ITPR1: variants seen among roughly 807,000 people sequenced by gnomAD.
ITPR1 encodes inositol 1,4,5-trisphosphate-gated calcium channel ITPR1.
Under a neutral mutation model 318.4 loss-of-function variants are expected in ITPR1, and 96 were observed. That is an observed-to-expected ratio of 0.30 (90% CI 0.26 to 0.36). The LOEUF (loss-of-function observed/expected upper bound fraction) is 0.36, where lower values mean the gene tolerates loss of function less well. ITPR1 is among the 10% of genes least tolerant of loss of function. The pLI is 1.00. For missense variants in ITPR1, 2,440 were observed against 3,460.2 expected, an observed-to-expected ratio of 0.71 and a Z score of 7.40; for synonymous variants, 1,312 against 1,289.9, an observed-to-expected ratio of 1.02 and a Z score of -0.37.
At chr3:4,617,819 A>G (rs1456893079) in intron 4 of ITPR1, among the ~76,000 whole-genome samples, 1 of 129,016 alleles carries the variant, frequency 7.8e-6, no homozygotes, top group African/African-American at 3.1e-5. Flanking sequence ...CCTTATTTCT[A>G]TTAAAAAATG....
chr3:4,831,060 C>T (rs1457235803), intron 60 of ITPR1: 3 of 455,954 alleles, frequency 6.6e-6, no homozygotes, highest in African/African-American at 6.0e-5. Context: ...GAATGATTCG[C>T]ATTTGCATCA....
chr3:4,627,976 A>G (rs541174693), intron 5 of ITPR1, 98 bp downstream of exon 5: 2 of 683,924 alleles, frequency 2.9e-6, no homozygotes, highest in East Asian at 2.7e-5. Flanking sequence ...CAACCCTCCA[A>G]TTCTAGCAGC....
chr3:4,757,033 C>A (rs897227515), intron 44 of ITPR1, among the ~76,000 whole-genome samples: 16 of 152,228 alleles, frequency 1.1e-4, no homozygotes, highest in African/African-American at 4.8e-5. Flanking sequence ...GTAAGACCCT[C>A]ATTTTTTAGC....
intron 4 of ITPR1, among the ~76,000 whole-genome samples, chr3:4,605,844 C>G (rs1376331441): frequency 6.6e-6 from 1 of 152,132 alleles, no homozygotes; most frequent in Non-Finnish European, 1.5e-5. Context: ...TCTGGTTGTT[C>G]TCCTCTCTCC....
At chr3:4,627,996 A>C in intron 5 of ITPR1, 118 bp downstream of exon 5, 2 of 632,194 alleles carry the variant, frequency 3.2e-6, no homozygotes, top group African/African-American at 1.8e-5. Context: ...CCAGCTTTCT[A>C]CTTTTTTTTT....
chr3:4,660,892 T>C (rs554301869), intron 13 of ITPR1, 96 bp from the exon 14 acceptor site: 23 of 615,900 alleles, frequency 3.7e-5, no homozygotes, highest in Non-Finnish European at 6.0e-5. Flanking sequence ...GAAACCACTT[T>C]GCTATTTCTA....
intron 4 of ITPR1, among the ~76,000 whole-genome samples, chr3:4,530,091 A>G (rs2083291113): frequency 6.6e-6 from 1 of 152,186 alleles, no homozygotes; most frequent in Admixed American, 6.5e-5. Context: ...CTCCTCTGCA[A>G]CCCCAAAGTA....
At chr3:4,686,551 A>G (rs1405274346) in intron 30 of ITPR1, among the ~76,000 whole-genome samples, 1 of 152,248 alleles carries the variant, frequency 6.6e-6, no homozygotes, top group African/African-American at 2.4e-5. Context: ...ATGCCTTCAT[A>G]GAGCAGGCTT....
intron 33 of ITPR1, among the ~76,000 whole-genome samples, chr3:4,695,706 G>T (rs7621208): frequency 0.05 from 7,634 of 152,246 alleles, 668 homozygotes; most frequent in African/African-American, 0.17. Flanking sequence ...TTTAAGTTCA[G>T]TTCTGTGTTG....
intron 4 of ITPR1, among the ~76,000 whole-genome samples, chr3:4,549,152 A>G (rs1022870737): frequency 5.3e-5 from 8 of 152,224 alleles, no homozygotes; most frequent in Non-Finnish European, 8.8e-5. Flanking sequence ...TTTACAAAGA[A>G]ACTTCTAAAT....
At chr3:4,771,028 A>G (rs1483850608) in intron 46 of ITPR1, among the ~76,000 whole-genome samples, 1 of 152,166 alleles carries the variant, frequency 6.6e-6, no homozygotes, top group Admixed American at 6.5e-5. Flanking sequence ...TGAGCAGAGC[A>G]TGGTGATCAG....
intron 27 of ITPR1, 36 bp downstream of exon 27, chr3:4,683,587 A>G: frequency 6.2e-7 from 1 of 1,613,934 alleles, no homozygotes; most frequent in Non-Finnish European, 8.5e-7. Flanking sequence ...TTGTCTGTCC[A>G]AGAAGCTGTT....
At chr3:4,803,235 C>G (rs1024245125) in intron 54 of ITPR1, among the ~76,000 whole-genome samples, 2 of 152,192 alleles carry the variant, frequency 1.3e-5, no homozygotes, top group Non-Finnish European at 2.9e-5. Flanking sequence ...TCACCTCCCC[C>G]CAGGCCCCAC....
intron 4 of ITPR1, among the ~76,000 whole-genome samples, chr3:4,600,962 T>A (rs1183524792): frequency 6.6e-6 from 1 of 152,196 alleles, no homozygotes; most frequent in Admixed American, 6.5e-5. Flanking sequence ...GTTGCATTTC[T>A]TCCTGGAGTA....
At chr3:4,795,614 G>A (rs1456611178) in intron 53 of ITPR1, among the ~76,000 whole-genome samples, 1 of 152,194 alleles carries the variant, frequency 6.6e-6, no homozygotes, top group Non-Finnish European at 1.5e-5. Flanking sequence ...ATTGATTTCA[G>A]ACTAAAGAAT....
At chr3:4,733,062 G>A (rs2043038383) in intron 42 of ITPR1, 26 bp from the exon 43 acceptor site, 2 of 1,605,634 alleles carry the variant, frequency 1.2e-6, no homozygotes, top group East Asian at 4.5e-5. Flanking sequence ...TGCAGAAGCT[G>A]ATTTTATTAT....
rs2087312985 is a variant in ITPR1 at position 4,566,665 on chromosome 3, AG to A, written c.163+45573del. ...ACACTGAAACACTCTGCAAAAATTG[AG>A]GTGTTTCCCAGGTTCCTAACCTCCT... On this transcript the variant is annotated intron_variant, in intron 4 of 61. Coordinates refer to ENST00000649015, the MANE Select transcript of ITPR1 (RefSeq NM_001378452.1). 2.7e-5 allele frequency among the ~76,000 whole-genome samples: 4 copies of A among 150,390 alleles called. No homozygotes were observed. The South Asian group carries it at 8.4e-4, about 32-fold the overall frequency.
At chr3:4,611,227 T>A in intron 4 of ITPR1, among the ~76,000 whole-genome samples, 1 of 108,584 alleles carries the variant, frequency 9.2e-6, no homozygotes. Flanking sequence ...AAACCTCATC[T>A]CTACAAAAAA....
chr3:4,818,809 G>A lies in ITPR1; in HGVS notation c.8028+567G>A, dbSNP rs368257355. ...GTGTGGATACTGTGTCCCAGGAAGC[G>A]GGGAAGCTGCTTCAGGCTGTTAGAG... On this transcript the variant is annotated intron_variant, in intron 60 of 61. Transcript: ENST00000649015. Among the ~76,000 whole-genome samples the A allele has an allele frequency of 2.1e-4, 32 of 152,258 alleles. No homozygotes were observed. The South Asian group carries it at 5.6e-3, about 27-fold the overall frequency.
Sources: gnomAD v4.1 joint callset for allele counts (sites outside exome capture counted in the v4.1 genomes callset) on GRCh38, gnomAD v4.1.1 for gene constraint, MANE v1.5 for transcripts, NCBI Gene and HGNC (gene_info 2026-07-23, HGNC 2026-07-21) for gene names.